The following CHN2 variants were observed in gnomAD, a reference collection of about 807,000 sequenced individuals.
The protein encoded by CHN2 is chimerin 2.
A neutral mutation model predicts 56.3 loss-of-function variants in CHN2; 35 were observed. The ratio of observed to expected loss-of-function variants is 0.62; its 90% CI spans 0.47 to 0.82. The LOEUF (loss-of-function observed/expected upper bound fraction) is 0.82. Ranked by LOEUF, CHN2 falls within the 40% of genes least tolerant of loss-of-function variation. The pLI, the probability that CHN2 is intolerant of heterozygous loss-of-function variation, is 0.00. For synonymous variants in CHN2, 210 were observed against 212.8 expected, an observed-to-expected ratio of 0.99 and a Z score of 0.12; for missense variants, 491 against 580.5, an observed-to-expected ratio of 0.85 and a Z score of 1.58.
chr7:29,378,761 C>G (rs532898972), intron 3 of CHN2, among the ~76,000 whole-genome samples: 1 of 152,146 alleles, frequency 6.6e-6, no homozygotes, highest in Non-Finnish European at 1.5e-5. Context: ...GTTAGGAGAT[C>G]GAGACCATTC....
chr7:29,365,251 G>T (rs1799061058), intron 2 of CHN2, among the ~76,000 whole-genome samples: 1 of 152,178 alleles, frequency 6.6e-6, no homozygotes, highest in Non-Finnish European at 1.5e-5. Context: ...AGCTGATAGG[G>T]TTCTTGAAAG....
intron 8 of CHN2, among the ~76,000 whole-genome samples, chr7:29,498,956 T>TC (rs1258454600): frequency 6.6e-6 from 1 of 152,052 alleles, no homozygotes; most frequent in East Asian, 1.9e-4. Context: ...AGACAGGGTT[T>TC]CACCATGTTG....
At chr7:29,155,063 T>A (rs1794156237) in intron 2 of CHN2, among the ~76,000 whole-genome samples, 1 of 152,030 alleles carries the variant, frequency 6.6e-6, no homozygotes. Context: ...TGAGACTTAT[T>A]CACTGTCAGG....
chr7:29,442,798 C>T (rs185395940), intron 6 of CHN2, among the ~76,000 whole-genome samples: 59 of 152,288 alleles, frequency 3.9e-4, no homozygotes, highest in African/African-American at 1.1e-3. Flanking sequence ...ATACTGCATA[C>T]ATACGAGGTC....
chr7:29,152,306 A>G (rs1421150142), intron 2 of CHN2, among the ~76,000 whole-genome samples: 1 of 152,184 alleles, frequency 6.6e-6, no homozygotes, highest in Non-Finnish European at 1.5e-5. Context: ...ACTGCTATGG[A>G]TTTAAAGGAT....
intron 6 of CHN2, among the ~76,000 whole-genome samples, chr7:29,446,546 G>T (rs1234430087): frequency 6.6e-6 from 1 of 152,186 alleles, no homozygotes; most frequent in African/African-American, 2.4e-5. Flanking sequence ...GCAGATGCAG[G>T]GAGGGAGAAC....
chr7:29,171,257 C>T (rs1234650765), intron 2 of CHN2, among the ~76,000 whole-genome samples: 1 of 152,116 alleles, frequency 6.6e-6, no homozygotes, highest in Non-Finnish European at 1.5e-5. Context: ...TTCTTTCTGC[C>T]ACATTCCCAG....
At chr7:29,426,929 G>A (rs997002892) in intron 6 of CHN2, among the ~76,000 whole-genome samples, 4 of 152,158 alleles carry the variant, frequency 2.6e-5, no homozygotes, top group Admixed American at 1.3e-4. Flanking sequence ...CCGTCATCAC[G>A]TCCATCTGCC....
intron 1 of CHN2, among the ~76,000 whole-genome samples, chr7:29,306,164 T>C (rs1329446774): frequency 2.0e-5 from 3 of 152,178 alleles, no homozygotes; most frequent in Non-Finnish European, 4.4e-5. Flanking sequence ...TGATTATTCA[T>C]TGATTTACTC....
At chr7:29,293,884 T>TTTTTTA (rs1792891106) in intron 1 of CHN2, among the ~76,000 whole-genome samples, 1 of 116,896 alleles carries the variant, frequency 8.6e-6, no homozygotes, top group African/African-American at 3.1e-5. Context: ...TTTTTTTTTT[T>TTTTTTA]GAGACGGAGT....
chr7:29,222,194 G>A (rs1785856483), intron 1 of CHN2, among the ~76,000 whole-genome samples: 2 of 152,120 alleles, frequency 1.3e-5, no homozygotes, highest in Admixed American at 6.6e-5. Flanking sequence ...ACAAACCACT[G>A]CTCAAGGAAA....
intron 6 of CHN2, among the ~76,000 whole-genome samples, chr7:29,415,828 A>G (rs1803685018): frequency 6.6e-6 from 1 of 152,170 alleles, no homozygotes; most frequent in Non-Finnish European, 1.5e-5. Flanking sequence ...AGGCATCTGC[A>G]TTTTTGCTTT....
At chr7:29,293,058 C>G in intron 1 of CHN2, 1 of 455,372 alleles carries the variant, frequency 2.2e-6, no homozygotes, top group South Asian at 1.6e-5. Flanking sequence ...GCCCCACTCC[C>G]CGCTTCCATT....
chr7:29,233,404 C>G (rs1786873445), intron 1 of CHN2, among the ~76,000 whole-genome samples: 1 of 152,148 alleles, frequency 6.6e-6, no homozygotes, highest in Non-Finnish European at 1.5e-5. Flanking sequence ...AAACCTCATA[C>G]TAGAAGTGGG....
chr7:29,342,373 C>CT (rs1797108235), intron 1 of CHN2, among the ~76,000 whole-genome samples: 1 of 152,206 alleles, frequency 6.6e-6, no homozygotes, highest in South Asian at 2.1e-4. Flanking sequence ...AGGACCTCAG[C>CT]TTCTCTTCCA....
intron 1 of CHN2, among the ~76,000 whole-genome samples, chr7:29,275,718 C>T (rs1316708518): frequency 2.0e-5 from 3 of 152,102 alleles, no homozygotes; most frequent in Admixed American, 6.5e-5. Context: ...TCTCTCAGGG[C>T]CTCTCAGGGT....
intron 1 of CHN2, among the ~76,000 whole-genome samples, chr7:29,196,792 T>A (rs962715420): frequency 6.6e-6 from 1 of 152,194 alleles, no homozygotes; most frequent in Non-Finnish European, 1.5e-5. Flanking sequence ...AACAACACAG[T>A]ATGAGATTTA....
intron 6 of CHN2, among the ~76,000 whole-genome samples, chr7:29,420,428 C>T (rs1804218239): frequency 6.6e-6 from 1 of 152,188 alleles, no homozygotes; most frequent in Non-Finnish European, 1.5e-5. Context: ...TGCAGTGGAA[C>T]ATACTTTAGC....
At chr7:29,392,052 G>C (rs911583769) in intron 3 of CHN2, among the ~76,000 whole-genome samples, 1 of 152,184 alleles carries the variant, frequency 6.6e-6, no homozygotes, top group Non-Finnish European at 1.5e-5. Flanking sequence ...TTGCAAACTT[G>C]TGCTACGGTT....
Sources: allele counts gnomAD v4.1 joint callset (sites outside exome capture counted in the v4.1 genomes callset), GRCh38; gene constraint gnomAD v4.1.1; transcripts MANE v1.5; gene names NCBI Gene and HGNC (gene_info 2026-07-23, HGNC 2026-07-21).